PAPPA2: variants seen among roughly 807,000 people sequenced by gnomAD.
PAPPA2 encodes the protein pappalysin-2.
Under a neutral mutation model 176.4 loss-of-function variants are expected in PAPPA2, and 86 were observed. The ratio of observed to expected loss-of-function variants is 0.49; its 90% confidence interval spans 0.41 to 0.58. PAPPA2 has a LOEUF of 0.58. PAPPA2 is among the 20% of genes least tolerant of loss of function. PAPPA2 has a pLI of 0.00. For synonymous variants in PAPPA2, 809 were observed against 852.2 expected (o/e 0.95, Z 0.88); for missense variants, 2,073 against 2,256.9 (o/e 0.92, Z 1.65).
At chr1:176,671,429 C>G (rs999243104) in intron 4 of PAPPA2, among the ~76,000 whole-genome samples, 1 of 152,152 alleles carries the variant, frequency 6.6e-6, no homozygotes, top group Non-Finnish European at 1.5e-5. Context: ...GGGGAACTAT[C>G]AAAATATCCA....
Position 176,595,092 on chromosome 1 carries a change from C to A in PAPPA2, c.1488C>A (p.Pro496=). The change falls in exon 3 of 23, where the codon CCC becomes CCA. Residue 496 remains proline, a synonymous_variant. Transcript: ENST00000367662. ...PEPEILSPLQ[P]PLCGQTVCDN... ...CTGAGATTCTGTCGCCTTTGCAGCC[C>A]CCACTCTGTGGGCAAACAGTCTGTG... is the stretch of plus-strand genomic sequence containing the variant. 1 of 1,614,110 alleles carries A rather than the reference C, an allele frequency of 6.2e-7. No homozygotes were observed. The highest frequency in any genetic ancestry group is 8.5e-7 in the Non-Finnish European group (1 of 1,179,998).
Position 176,594,988 on chromosome 1 carries a change from C to T in PAPPA2, c.1384C>T (p.Pro462Ser), listed in dbSNP as rs758209666. The T allele has an allele frequency of 3.1e-5, 50 of 1,614,060 alleles. No individual in the cohort carries two copies. The South Asian group carries it at 5.2e-4, about 17-fold the overall frequency. ...CTTGGTCCTGACAGCGAGCTTTGAG[C>T]CTGTGAACACAGAGTGGGTTCCCTT... ...TDLVLTASFE[P>S]VNTEWVPFRD... Residue 462 changes from proline to serine, a missense_variant, in exon 3 of 23, where the codon CCT becomes TCT. Physicochemically the swap from Pro to Ser is moderately conservative, Grantham distance 74. Coordinates refer to ENST00000367662, the MANE Select transcript of PAPPA2 (RefSeq NM_020318.3).
intron 2 of PAPPA2, among the ~76,000 whole-genome samples, chr1:176,574,786 C>A (rs1331914034): frequency 6.6e-6 from 1 of 152,162 alleles, no homozygotes; most frequent in East Asian, 1.9e-4. Flanking sequence ...ACGATAGTGG[C>A]CACATAAGAT....
At chr1:176,521,861 T>C (rs1003463374) in intron 1 of PAPPA2, among the ~76,000 whole-genome samples, 7 of 152,016 alleles carry the variant, frequency 4.6e-5, no homozygotes, top group Admixed American at 3.9e-4. Context: ...GAAGGTGAGA[T>C]TTAGAGTGCA....
chr1:176,733,116 TC>T (rs1283606627), intron 12 of PAPPA2, among the ~76,000 whole-genome samples: 1 of 152,112 alleles, frequency 6.6e-6, no homozygotes, highest in Non-Finnish European at 1.5e-5. Context: ...CCTCCTCCAT[TC>T]CCTCCACCCC....
intron 1 of PAPPA2, among the ~76,000 whole-genome samples, chr1:176,466,830 G>A (rs961677325): frequency 6.6e-6 from 1 of 152,100 alleles, no homozygotes. Context: ...CAACGTGGAG[G>A]GAGAAAAAGA....
intron 3 of PAPPA2, among the ~76,000 whole-genome samples, chr1:176,610,904 G>A (rs1654881669): frequency 6.6e-6 from 1 of 152,152 alleles, no homozygotes; most frequent in East Asian, 1.9e-4. Context: ...CAGACACTAG[G>A]AGTATGACTC....
chr1:176,636,968 A>T lies in PAPPA2; in HGVS notation c.1992-34002A>T, dbSNP rs192262920. On this transcript the variant is annotated intron_variant, in intron 3 of 22. Coordinates refer to ENST00000367662, the MANE Select transcript of PAPPA2 (RefSeq NM_020318.3). ...ATTTTGTGTTAAAATAAGATATGGG[A>T]TGTCATTGTGGATTCCATACAGCCA... Among the ~76,000 whole-genome samples, 47 of 152,254 alleles carry T rather than the reference A, an allele frequency of 3.1e-4. 1 individual carries two copies. The Middle Eastern group carries it at 0.01, about 33-fold the overall frequency.
chr1:176,600,376 CA>C (rs1419935610), intron 3 of PAPPA2, among the ~76,000 whole-genome samples: 1 of 152,142 alleles, frequency 6.6e-6, no homozygotes, highest in Non-Finnish European at 1.5e-5. Context: ...CCTATTATTA[CA>C]ATTAAATCAC....
chr1:176,699,014 G>A (rs1218192425), intron 7 of PAPPA2, 86 bp from the exon 8 acceptor site: 10 of 1,463,218 alleles, frequency 6.8e-6, no homozygotes, highest in Non-Finnish European at 9.2e-6. Flanking sequence ...TCTCTCCATA[G>A]TTCCTCTTTC....
At chr1:176,501,229 A>G (rs1486874892) in intron 1 of PAPPA2, among the ~76,000 whole-genome samples, 2 of 152,032 alleles carry the variant, frequency 1.3e-5, no homozygotes, top group Non-Finnish European at 2.9e-5. Flanking sequence ...GCTTTTTCTA[A>G]CAGCTTTGTT....
intron 12 of PAPPA2, among the ~76,000 whole-genome samples, chr1:176,733,158 A>G (rs1199089894): frequency 6.6e-6 from 1 of 152,194 alleles, no homozygotes; most frequent in Non-Finnish European, 1.5e-5. Context: ...TCCATAAAAT[A>G]GGTTCCTTGA....
intron 3 of PAPPA2, among the ~76,000 whole-genome samples, chr1:176,642,147 A>G (rs1054530022): frequency 6.6e-6 from 1 of 151,910 alleles, no homozygotes; most frequent in African/African-American, 2.4e-5. Flanking sequence ...TGGCTCTGAA[A>G]GGTATGGATA....
At chr1:176,527,307 A>G (rs1194543282) in intron 1 of PAPPA2, among the ~76,000 whole-genome samples, 1 of 152,198 alleles carries the variant, frequency 6.6e-6, no homozygotes, top group Admixed American at 6.5e-5. Flanking sequence ...CTGCATTATC[A>G]CATTTGACCC....
At position 176,643,419 on chromosome 1, in the gene PAPPA2, G is replaced by GT. The variant is rs74263831; in HGVS notation, c.1992-27538dup. ...GATCTCTCTTGCATTTTCTTCTTCTGTTTTTTTTTTTTTAAATGCTTTAAA... is the reference window on the plus strand; with the variant it reads ...GATCTCTCTTGCATTTTCTTCTTCTGTTTTTTTTTTTTTTAAATGCTTTAAA... On this transcript the variant is annotated intron_variant, in intron 3 of 22. Coordinates refer to ENST00000367662, the MANE Select transcript of PAPPA2 (RefSeq NM_020318.3). Among the ~76,000 whole-genome samples, 403 of 141,244 alleles carry GT rather than the reference G, an allele frequency of 2.9e-3. 1 individual carries two copies. The highest frequency in any genetic ancestry group is 0.011 in the Middle Eastern group (3 of 278). The allele number at this position is 141,244 out of a possible 152,430, so 92.7% of individuals were successfully genotyped here.
intron 3 of PAPPA2, among the ~76,000 whole-genome samples, chr1:176,649,797 G>T (rs990755830): frequency 2.6e-5 from 4 of 151,292 alleles, no homozygotes; most frequent in African/African-American, 7.3e-5. Context: ...AAATTTTTTT[G>T]ATACTTGTTT....
chr1:176,694,704 G>A (rs927198922), intron 6 of PAPPA2, among the ~76,000 whole-genome samples: 1 of 152,140 alleles, frequency 6.6e-6, no homozygotes, highest in African/African-American at 2.4e-5. Context: ...ACCTCTTCCA[G>A]TTACCTCAGT....
intron 21 of PAPPA2, among the ~76,000 whole-genome samples, chr1:176,806,433 T>C (rs1665911290): frequency 1.3e-5 from 2 of 152,164 alleles, no homozygotes; most frequent in African/African-American, 4.8e-5. Context: ...TGGAAAAGAC[T>C]GAATCAGTTT....
intron 4 of PAPPA2, among the ~76,000 whole-genome samples, chr1:176,682,726 C>T (rs904110507): frequency 1.3e-4 from 20 of 152,086 alleles, no homozygotes; most frequent in African/African-American, 4.8e-4. Context: ...CTTTCTCTCC[C>T]TTTGCCTACC....
Sources: gnomAD v4.1 joint callset for allele counts (sites outside exome capture counted in the v4.1 genomes callset) on GRCh38, gnomAD v4.1.1 for gene constraint, MANE v1.5 for transcripts, NCBI Gene and HGNC (gene_info 2026-07-23, HGNC 2026-07-21) for gene names.